The following EVI5 variants were observed in gnomAD, a reference collection of about 807,000 sequenced individuals.
EVI5 encodes the protein ecotropic viral integration site 5.
EVI5 carries 73 observed loss-of-function variants against 112.0 expected under a neutral mutation model. That is an observed-to-expected ratio of 0.65 (90% confidence interval 0.54 to 0.79). The LOEUF is 0.79. EVI5 is among the 30% of genes least tolerant of loss of function. The pLI is 0.00. For missense variants in EVI5, 900 were observed against 968.8 expected, an observed-to-expected ratio of 0.93 and a Z score of 0.94; for synonymous variants, 305 against 319.9, an observed-to-expected ratio of 0.95 and a Z score of 0.50.
intron 11 of EVI5, among the ~76,000 whole-genome samples, chr1:92,663,979 C>T (rs1664456055): frequency 6.6e-6 from 1 of 152,206 alleles, no homozygotes; most frequent in African/African-American, 2.4e-5. Flanking sequence ...AACTCCTGGC[C>T]TTACGCAATC....
chr1:92,578,578 C>T (rs879414892), intron 18 of EVI5, among the ~76,000 whole-genome samples: 2 of 151,862 alleles, frequency 1.3e-5, no homozygotes, highest in Non-Finnish European at 2.9e-5. Flanking sequence ...ATTAGCTGGG[C>T]GTGGTGGCGG....
At chr1:92,635,494 C>T (rs1238501901) in intron 14 of EVI5, among the ~76,000 whole-genome samples, 1 of 152,188 alleles carries the variant, frequency 6.6e-6, no homozygotes, top group Non-Finnish European at 1.5e-5. Flanking sequence ...CAGGACATAA[C>T]CTCCTGGTGT....
intron 3 of EVI5, chr1:92,703,844 A>T (rs890498116): frequency 8.3e-6 from 3 of 360,014 alleles, no homozygotes; most frequent in Admixed American, 5.5e-5. Flanking sequence ...ATTTCACCTC[A>T]GTGTGTGACC....
intron 19 of EVI5, among the ~76,000 whole-genome samples, chr1:92,544,919 C>T (rs2100670159): frequency 6.6e-6 from 1 of 152,276 alleles, no homozygotes; most frequent in Admixed American, 6.5e-5. Context: ...TTAAATCAGA[C>T]AGGCAGCAAA....
At position 92,775,788 on chromosome 1, in the gene EVI5, G is replaced by C. The variant is rs552490795; in HGVS notation, c.-82+9048C>G. On this transcript the variant is annotated intron_variant, in intron 1 of 19. Transcript: ENST00000684568. ...GGGATTTTGTGCAGTTGAGAAGCAG[G>C]CTTCTGTATTTTATAAAACTTGTTA... 9.2e-5 allele frequency among the ~76,000 whole-genome samples: 14 copies of C among 152,250 alleles called. No individual in the cohort carries two copies. The South Asian group carries it at 2.5e-3, about 27-fold the overall frequency.
intron 18 of EVI5, among the ~76,000 whole-genome samples, chr1:92,601,023 G>T (rs1406179201): frequency 6.6e-6 from 1 of 152,180 alleles, no homozygotes; most frequent in Admixed American, 6.5e-5. Context: ...TGGTAGCAAA[G>T]TTAGGGGAGG....
In EVI5 at chr1:92,614,769, CAT is replaced by C. The variant is rs56763837; in HGVS notation, c.1828-7044_1828-7043del. On this transcript the variant is annotated intron_variant, in intron 16 of 19. Transcript: ENST00000684568. ...CGTGTAAGTTAATACTTAATAAACT[CAT>C]ATATATATATATGAGTTATATATAT... Among the ~76,000 whole-genome samples, 242 of 145,076 alleles carry C rather than the reference CAT, an allele frequency of 1.7e-3. 2 individuals are homozygous for C. Among genetic ancestry groups the C allele is most frequent in the African/African-American group, 6.1e-3 (235 of 38,798 alleles).
chr1:92,533,901 G>A (rs911782925), intron 19 of EVI5, among the ~76,000 whole-genome samples: 1 of 152,034 alleles, frequency 6.6e-6, no homozygotes, highest in Non-Finnish European at 1.5e-5. Flanking sequence ...ACCACTCCTA[G>A]TCAACATAGT....
chr1:92,788,191 C>T (rs527245875), upstream of EVI5, among the ~76,000 whole-genome samples: 8 of 152,100 alleles, frequency 5.3e-5, no homozygotes, highest in East Asian at 9.7e-4. Flanking sequence ...AAATAGTGGC[C>T]GGGCGTAGTG....
At chr1:92,519,108 T>C (rs145734012) in intron 19 of EVI5, among the ~76,000 whole-genome samples, 5 of 152,196 alleles carry the variant, frequency 3.3e-5, no homozygotes, top group East Asian at 3.9e-4. Flanking sequence ...AACCTTTTTA[T>C]GATTTATCTC....
At chr1:92,588,716 A>T (rs1443394922) in intron 18 of EVI5, among the ~76,000 whole-genome samples, 2 of 152,252 alleles carry the variant, frequency 1.3e-5, no homozygotes, top group African/African-American at 4.8e-5. Context: ...AGTGACAGGC[A>T]CATAGTAAGT....
At chr1:92,642,720 A>T (rs1660212524) in intron 13 of EVI5, among the ~76,000 whole-genome samples, 1 of 152,216 alleles carries the variant, frequency 6.6e-6, no homozygotes, top group Non-Finnish European at 1.5e-5. Context: ...CTTGGTTCTT[A>T]AAAGTCCTAC....
intron 19 of EVI5, among the ~76,000 whole-genome samples, chr1:92,519,897 A>AT (rs530544695): frequency 8.4e-5 from 8 of 94,680 alleles, no homozygotes; most frequent in African/African-American, 3.4e-4. Flanking sequence ...CTCTGTCTTT[A>AT]AAAAAAAAAA....
chr1:92,578,498 G>A (rs1671424345), intron 18 of EVI5, among the ~76,000 whole-genome samples: 1 of 151,992 alleles, frequency 6.6e-6, no homozygotes, highest in Admixed American at 6.5e-5. Flanking sequence ...GGCGGATTAC[G>A]AGGTCAGGAG....
At chr1:92,702,388 A>C (rs1381239266) in intron 4 of EVI5, among the ~76,000 whole-genome samples, 173 bp from the exon 5 acceptor site, 1 of 151,972 alleles carries the variant, frequency 6.6e-6, no homozygotes, top group Non-Finnish European at 1.5e-5. Context: ...ATGTTTTATT[A>C]CATGAAATTT....
intron 19 of EVI5, among the ~76,000 whole-genome samples, chr1:92,545,670 C>T (rs1665565945): frequency 6.6e-6 from 1 of 152,066 alleles, no homozygotes. Context: ...TAGATTTCCT[C>T]GTTTGATTAA....
At chr1:92,662,686 G>A (rs751616443) in intron 13 of EVI5, 33 bp downstream of exon 13, 3 of 1,141,630 alleles carry the variant, frequency 2.6e-6, no homozygotes, top group Non-Finnish European at 3.3e-6. Flanking sequence ...AGGGGGATGA[G>A]AAAGATGAGA....
Position 92,784,945 on chromosome 1 carries a change from C to A in EVI5, c.-191G>T. ...CCCGCTCCTGGCTCCACGGGTCGCC[C>A]GTCCCGAGTTCCCAAAAGCACCACG... On this transcript the variant is annotated 5_prime_UTR_variant, in exon 1 of 20. Coordinates refer to ENST00000684568, the MANE Select transcript of EVI5 (RefSeq NM_001350197.2). 4 of 985,940 alleles carry A rather than the reference C, an allele frequency of 4.1e-6. No individual in the cohort carries two copies. Among genetic ancestry groups the A allele is most frequent in the Non-Finnish European group, 4.8e-6 (4 of 830,366 alleles). 61.1% of individuals were successfully genotyped at this position (985,940 alleles called of 1,614,324 possible).
intron 18 of EVI5, among the ~76,000 whole-genome samples, chr1:92,566,951 C>T (rs1052343753): frequency 6.6e-6 from 1 of 151,928 alleles, no homozygotes. Context: ...GGACTACAGA[C>T]GCACACCACC....
Sources: gnomAD v4.1 joint callset for allele counts (sites outside exome capture counted in the v4.1 genomes callset) on GRCh38, gnomAD v4.1.1 for gene constraint, MANE v1.5 for transcripts, NCBI Gene and HGNC (gene_info 2026-07-23, HGNC 2026-07-21) for gene names.